Variants in STXBP4 observed in about 807,000 individuals in gnomAD.
STXBP4 encodes syntaxin-binding protein 4.
A neutral mutation model predicts 76.1 loss-of-function variants in STXBP4; 55 were observed. The observed-to-expected ratio is 0.72, with a 90% CI of 0.58 to 0.91. The LOEUF is 0.91. Among genes scored for constraint, STXBP4 ranks in the 40% least tolerant of loss-of-function variants. The probability of loss-of-function intolerance (pLI) is 0.00; values close to 1 mark genes in which losing one functional copy is unlikely to be tolerated. For missense variants in STXBP4, 618 were observed against 636.9 expected (o/e 0.97, Z 0.32); for synonymous variants, 201 against 220.2 (o/e 0.91, Z 0.77).
At chr17:55,196,526 T>C in the STXBP4 span, among the ~76,000 whole-genome samples, 1 of 152,242 alleles carries the variant, frequency 6.6e-6, no homozygotes, top group South Asian at 2.1e-4. Context: ...TGTATTCCCT[T>C]ACTCACCATA....
Position 55,168,568 on chromosome 17 carries a change from G to A in STXBP4, c.*8657G>A, listed in dbSNP as rs138074727. On this transcript the variant is annotated 3_prime_UTR_variant, in exon 18 of 18. Coordinates refer to ENST00000376352, the MANE Select transcript of STXBP4 (RefSeq NM_178509.6). ...AGTAGTTAGAATTTTTATCTTATAC[G>A]CCTTTAAGTAAATACAAGAGAACTG... The A allele has an allele frequency of 2.8e-4, 42 of 152,088 alleles. No individual in the cohort carries two copies. In the East Asian group the frequency reaches 5.2e-3, roughly 19 times the overall value. The allele number at this position is 152,088 out of a possible 1,614,324, so 9.4% of individuals were successfully genotyped here. A position where few individuals can be genotyped will look rare whatever the true frequency, so the allele number is the denominator to read the frequency against.
chr17:55,209,640 A>C, the STXBP4 span, among the ~76,000 whole-genome samples: 1 of 152,156 alleles, frequency 6.6e-6, no homozygotes, highest in East Asian at 1.9e-4. Context: ...AGTACAGTCC[A>C]CCTGTTCTGG....
chr17:55,147,522 G>A, intron 17 of STXBP4, among the ~76,000 whole-genome samples: 1 of 152,190 alleles, frequency 6.6e-6, no homozygotes, highest in Admixed American at 6.5e-5. Flanking sequence ...TCAAATACAT[G>A]TAATCACTTG....
rs11658717 is a variant in STXBP4 at position 54,999,625 on chromosome 17, G to A, written c.288-7G>A. The A allele has an allele frequency of 0.72, 1,163,184 of 1,608,732 alleles. 423,129 individuals carry two copies. The highest frequency in any genetic ancestry group is 0.93 in the East Asian group (41,433 of 44,744). Reference sequence around the variant, plus strand: ...ATATCCATAAAGTGATTTCTTTTTAGTACTAGGTTAGAATCTGCTTGGGAG... The same window carrying A: ...ATATCCATAAAGTGATTTCTTTTTAATACTAGGTTAGAATCTGCTTGGGAG... On this transcript the variant is annotated splice_polypyrimidine_tract_variant and splice_region_variant and intron_variant, in intron 5 of 17. Transcript: ENST00000376352.
At chr17:55,002,363 C>T (rs144248985) in intron 7 of STXBP4, among the ~76,000 whole-genome samples, 5 of 151,930 alleles carry the variant, frequency 3.3e-5, no homozygotes, top group East Asian at 1.9e-4. Flanking sequence ...TACAGTACAA[C>T]GGGAATTATG....
At chr17:54,987,899 G>A (rs1052036221) in intron 3 of STXBP4, among the ~76,000 whole-genome samples, 1 of 152,106 alleles carries the variant, frequency 6.6e-6, no homozygotes, top group African/African-American at 2.4e-5. Flanking sequence ...TGGTCTGGTA[G>A]GTGAGTAGTA....
chr17:55,162,879 A>C lies in STXBP4; in HGVS notation c.*2968A>C, dbSNP rs989319199. 7 of 152,226 alleles carry C rather than the reference A, an allele frequency of 4.6e-5. No individual in the cohort carries two copies. Among genetic ancestry groups the C allele is most frequent in the Admixed American group, 2.6e-4 (4 of 15,286 alleles). The allele number at this position is 152,226 out of a possible 1,614,324, so 9.4% of individuals were successfully genotyped here. A position where few individuals can be genotyped will look rare whatever the true frequency, so the allele number is the denominator to read the frequency against. ...ATGTCTACATAAAATATCACTACCC[A>C]CATAACCTATAATTTGTGTGGCCAG... On this transcript the variant is annotated 3_prime_UTR_variant, in exon 18 of 18. Coordinates refer to ENST00000376352, the MANE Select transcript of STXBP4 (RefSeq NM_178509.6).
the STXBP4 span, among the ~76,000 whole-genome samples, chr17:55,192,354 T>C: frequency 4.6e-5 from 7 of 152,146 alleles, no homozygotes; most frequent in Non-Finnish European, 1.0e-4. Context: ...GTAAAATGTA[T>C]GGCATGACAG....
intron 10 of STXBP4, among the ~76,000 whole-genome samples, chr17:55,035,282 T>C (rs2078579014): frequency 6.6e-6 from 1 of 152,046 alleles, no homozygotes; most frequent in African/African-American, 2.4e-5. Context: ...AATACATATA[T>C]TTTTAAAAGA....
At chr17:55,194,480 C>A in the STXBP4 span, among the ~76,000 whole-genome samples, 2 of 152,170 alleles carry the variant, frequency 1.3e-5, no homozygotes, top group African/African-American at 4.8e-5. Flanking sequence ...GCATTGCTGC[C>A]TCTAAAGCAA....
At chr17:54,970,342 G>C (rs1177111863) in intron 1 of STXBP4, among the ~76,000 whole-genome samples, 1 of 152,196 alleles carries the variant, frequency 6.6e-6, no homozygotes, top group Non-Finnish European at 1.5e-5. Context: ...ATTAAAGGTA[G>C]GGGGAGGAAT....
intron 16 of STXBP4, among the ~76,000 whole-genome samples, chr17:55,133,254 T>C (rs1265970634): frequency 6.6e-6 from 1 of 151,728 alleles, no homozygotes; most frequent in Non-Finnish European, 1.5e-5. Flanking sequence ...ATATGGGATG[T>C]AAAAGAATGA....
At chr17:55,134,418 TA>T (rs11311166) in intron 16 of STXBP4, among the ~76,000 whole-genome samples, 46,588 of 151,684 alleles carry the variant, frequency 0.31, 7,448 homozygotes, top group African/African-American at 0.36. Flanking sequence ...ACAGTAGATG[TA>T]AAAAAAATGC....
the STXBP4 span, among the ~76,000 whole-genome samples, chr17:55,210,299 AT>A: frequency 2.0e-5 from 3 of 152,218 alleles, no homozygotes; most frequent in African/African-American, 4.8e-5. Flanking sequence ...TATTAAGCTC[AT>A]TTTTTGCTCT....
At chr17:55,178,720 A>G in the STXBP4 span, among the ~76,000 whole-genome samples, 1 of 152,250 alleles carries the variant, frequency 6.6e-6, no homozygotes, top group African/African-American at 2.4e-5. Context: ...TAGTGTCAGT[A>G]TGAGTCTGAA....
chr17:55,195,126 G>A, the STXBP4 span, among the ~76,000 whole-genome samples: 922 of 152,312 alleles, frequency 6.1e-3, 12 homozygotes, highest in African/African-American at 0.021. Flanking sequence ...AACAGTCAGC[G>A]TGTACATTGG....
Position 55,164,974 on chromosome 17 carries a change from A to G in STXBP4, c.*5063A>G, listed in dbSNP as rs887744187. The G allele has an allele frequency of 6.6e-6, 1 of 152,176 alleles. No homozygotes were observed. The highest frequency in any genetic ancestry group is 2.1e-4 in the South Asian group (1 of 4,828). The allele number at this position is 152,176 out of a possible 1,614,324, so 9.4% of individuals were successfully genotyped here. A position where few individuals can be genotyped will look rare whatever the true frequency, so the allele number is the denominator to read the frequency against. On this transcript the variant is annotated 3_prime_UTR_variant, in exon 18 of 18. Transcript: ENST00000376352. ...TATATGTGTTTCTAGCCCTTGTGTAATTCGTATTCTATGCAAAGGATATAC... is the reference window on the plus strand; with the variant it reads ...TATATGTGTTTCTAGCCCTTGTGTAGTTCGTATTCTATGCAAAGGATATAC...
chr17:55,174,201 T>C (rs1399563048), downstream of STXBP4, among the ~76,000 whole-genome samples: 1 of 152,218 alleles, frequency 6.6e-6, no homozygotes, highest in Non-Finnish European at 1.5e-5. Flanking sequence ...ATCTGGAAAT[T>C]AGGGTATGAG....
intron 3 of STXBP4, among the ~76,000 whole-genome samples, chr17:54,988,835 C>CT (rs993362634): frequency 5.9e-5 from 9 of 152,062 alleles, no homozygotes; most frequent in Non-Finnish European, 4.4e-5. Flanking sequence ...TCCTCTCTGC[C>CT]TTTTTTCTAG....
Sources: gnomAD v4.1 joint callset for allele counts (sites outside exome capture counted in the v4.1 genomes callset) on GRCh38, gnomAD v4.1.1 for gene constraint, MANE v1.5 for transcripts, NCBI Gene and HGNC (gene_info 2026-07-23, HGNC 2026-07-21) for gene names.